Variants in TTC39B observed in about 807,000 individuals in gnomAD.
TTC39B encodes the protein tetratricopeptide repeat domain 39B.
TTC39B carries 92 observed loss-of-function variants against 96.6 expected under a neutral mutation model. The observed-to-expected ratio is 0.95, with a 90% CI of 0.80 to 1.13. The LOEUF (loss-of-function observed/expected upper bound fraction) is 1.13, where lower values mean the gene tolerates loss of function less well. Among genes scored for constraint, TTC39B ranks in the 50% most tolerant of loss-of-function variants. TTC39B has a pLI of 0.00. For missense variants in TTC39B, 955 were observed against 809.3 expected (o/e 1.18, Z -2.18); for synonymous variants, 367 against 299.4 (o/e 1.23, Z -2.33).
chr9:15,240,714 G>A (rs947764288), intron 2 of TTC39B, among the ~76,000 whole-genome samples: 6 of 151,776 alleles, frequency 4.0e-5, no homozygotes, highest in Non-Finnish European at 7.4e-5. Flanking sequence ...ATTATTTTTG[G>A]CCCTCTCCAC....
At chr9:15,210,187 G>C (rs1820113671) in intron 5 of TTC39B, 23 bp from the exon 6 acceptor site, 1 of 1,478,234 alleles carries the variant, frequency 6.8e-7, no homozygotes, top group Non-Finnish European at 9.2e-7. Context: ...AATAAAAAGG[G>C]AGATAGAAAA....
chr9:15,194,070 T>C (rs1439578615), intron 8 of TTC39B, among the ~76,000 whole-genome samples: 1 of 152,208 alleles, frequency 6.6e-6, no homozygotes, highest in Non-Finnish European at 1.5e-5. Flanking sequence ...GTCAGTTTCC[T>C]CATTTTAATA....
chr9:15,180,986 G>A (rs539162780), intron 17 of TTC39B, among the ~76,000 whole-genome samples: 47 of 152,146 alleles, frequency 3.1e-4, no homozygotes, highest in Non-Finnish European at 5.9e-4. Flanking sequence ...TATCTCTAAA[G>A]CCTATCATCT....
intron 1 of TTC39B, among the ~76,000 whole-genome samples, chr9:15,277,218 C>T (rs1353767568): frequency 6.6e-6 from 1 of 152,044 alleles, no homozygotes; most frequent in Non-Finnish European, 1.5e-5. Context: ...CACCTGAGGT[C>T]GGGAGTTCAA....
intron 1 of TTC39B, among the ~76,000 whole-genome samples, chr9:15,299,964 A>G (rs1824525731): frequency 6.9e-6 from 1 of 145,768 alleles, no homozygotes; most frequent in African/African-American, 2.8e-5. Context: ...GCTGTCAAAA[A>G]ACAGGGTTTC....
chr9:15,236,581 A>G (rs1456921643), intron 2 of TTC39B, among the ~76,000 whole-genome samples: 5 of 152,262 alleles, frequency 3.3e-5, no homozygotes, highest in African/African-American at 1.2e-4. Context: ...CCACAAAGCA[A>G]GTCTCAATAA....
intron 11 of TTC39B, 47 bp downstream of exon 11, chr9:15,190,507 G>C (rs1203307004): frequency 6.5e-7 from 1 of 1,550,048 alleles, no homozygotes; most frequent in African/African-American, 1.4e-5. Flanking sequence ...CACCATGTCT[G>C]GCCAAGACAA....
chr9:15,267,901 T>C lies in TTC39B; in HGVS notation c.275+13A>G, dbSNP rs763623483. The stretch of plus-strand genomic sequence containing the variant: ...TTTCCTTACTACATACTTTTTATTA[T>C]GTTATTACTTACATTGAGATGGTTT... On this transcript the variant is annotated intron_variant, in intron 2 of 19. Coordinates refer to ENST00000512701, the Ensembl canonical transcript of TTC39B. The C allele has an allele frequency of 5.6e-6, 9 of 1,603,852 alleles. No individual in the cohort carries two copies. Among genetic ancestry groups the C allele is most frequent in the Non-Finnish European group, 7.7e-6 (9 of 1,175,264 alleles).
chr9:15,172,414 G>A (rs1454829881), intron 19 of TTC39B, among the ~76,000 whole-genome samples: 1 of 152,090 alleles, frequency 6.6e-6, no homozygotes, highest in Admixed American at 6.5e-5. Context: ...TACAAATTTT[G>A]TGAACTAGTC....
chr9:15,179,351 A>T (rs1447270652), intron 17 of TTC39B, among the ~76,000 whole-genome samples: 2 of 152,154 alleles, frequency 1.3e-5, no homozygotes, highest in Non-Finnish European at 2.9e-5. Context: ...AACCTCAGAA[A>T]TCATCATTAA....
At chr9:15,289,823 A>C (rs1265770772) in intron 1 of TTC39B, among the ~76,000 whole-genome samples, 1 of 152,232 alleles carries the variant, frequency 6.6e-6, no homozygotes, top group Non-Finnish European at 1.5e-5. Context: ...TTAAGGAATG[A>C]ATAGAAAATC....
intron 8 of TTC39B, among the ~76,000 whole-genome samples, chr9:15,199,081 G>C (rs965259107): frequency 1.3e-5 from 2 of 152,120 alleles, no homozygotes; most frequent in Non-Finnish European, 2.9e-5. Flanking sequence ...GGAAGAAAGG[G>C]ATGACTCCAG....
At chr9:15,282,838 C>T (rs1479362001) in intron 1 of TTC39B, among the ~76,000 whole-genome samples, 1 of 132,004 alleles carries the variant, frequency 7.6e-6, no homozygotes, top group Non-Finnish European at 1.7e-5. Context: ...AGTCCAGCTT[C>T]AGAATCTGAT....
At chr9:15,284,558 C>T (rs748496702) in intron 1 of TTC39B, among the ~76,000 whole-genome samples, 7 of 152,220 alleles carry the variant, frequency 4.6e-5, no homozygotes, top group Non-Finnish European at 7.4e-5. Context: ...ACAGTGAAAA[C>T]ATATCTCTAA....
intron 1 of TTC39B, among the ~76,000 whole-genome samples, chr9:15,297,395 T>C (rs563189291): frequency 6.6e-6 from 1 of 152,138 alleles, no homozygotes; most frequent in Non-Finnish European, 1.5e-5. Flanking sequence ...TTGCTCTAAG[T>C]CACACAGCTA....
chr9:15,291,510 T>C (rs1195039409), intron 1 of TTC39B, among the ~76,000 whole-genome samples: 3 of 152,222 alleles, frequency 2.0e-5, no homozygotes, highest in African/African-American at 7.2e-5. Context: ...CTCAGGTATG[T>C]CTTTATCAGC....
chr9:15,242,878 C>T (rs141921556), intron 2 of TTC39B, among the ~76,000 whole-genome samples: 1 of 152,312 alleles, frequency 6.6e-6, no homozygotes, highest in East Asian at 1.9e-4. Flanking sequence ...TTTTAAAAGA[C>T]TGCTTATTGG....
intron 2 of TTC39B, among the ~76,000 whole-genome samples, chr9:15,244,414 G>A (rs767277469): frequency 2.6e-5 from 4 of 152,244 alleles, no homozygotes; most frequent in Non-Finnish European, 5.9e-5. Context: ...CCTCACCTCA[G>A]TGGGTCTCAG....
In TTC39B at chr9:15,166,597, T is replaced by C. The variant is rs575044463; in HGVS notation, c.*5422A>G. On this transcript the variant is annotated 3_prime_UTR_variant, in exon 20 of 20. Coordinates refer to ENST00000512701, the Ensembl canonical transcript of TTC39B. Reference sequence around the variant, plus strand: ...TTCCCTGATGATAAATTCTGATGTGTCCTTTTCATTACATTTCAAGTTCAA... The same window carrying C: ...TTCCCTGATGATAAATTCTGATGTGCCCTTTTCATTACATTTCAAGTTCAA... The C allele has an allele frequency of 2.6e-5, 4 of 152,322 alleles. No homozygotes were observed. In the South Asian group the frequency reaches 6.2e-4, roughly 24 times the overall value. 9.4% of individuals were successfully genotyped at this position (152,322 alleles called of 1,614,324 possible).
Sources: gnomAD v4.1 joint callset for allele counts (sites outside exome capture counted in the v4.1 genomes callset) on GRCh38, gnomAD v4.1.1 for gene constraint, MANE v1.5 for transcripts, NCBI Gene and HGNC (gene_info 2026-07-23, HGNC 2026-07-21) for gene names.